The following MARCHF3 variants were observed in gnomAD, a reference collection of about 807,000 sequenced individuals.
The protein encoded by MARCHF3 is E3 ubiquitin-protein ligase MARCHF3.
A neutral mutation model predicts 24.2 loss-of-function variants in MARCHF3; 13 were observed. The observed-to-expected ratio is 0.54, with a 90% confidence interval of 0.35 to 0.85. The LOEUF (loss-of-function observed/expected upper bound fraction) is 0.85. Ranked by LOEUF, MARCHF3 falls within the 40% of genes least tolerant of loss-of-function variation. The probability of loss-of-function intolerance (pLI) is 0.01; values close to 1 mark genes in which losing one functional copy is unlikely to be tolerated. For missense variants in MARCHF3, 276 were observed against 325.0 expected (o/e 0.85, Z 1.16); for synonymous variants, 144 against 137.3 (o/e 1.05, Z -0.34).
intron 1 of MARCHF3, among the ~76,000 whole-genome samples, chr5:126,973,450 G>C (rs1751085475): frequency 6.6e-6 from 1 of 152,234 alleles, no homozygotes; most frequent in Non-Finnish European, 1.5e-5. Context: ...CAGAAGTATA[G>C]CTTCCACCTG....
At chr5:127,024,794 C>A (rs992228151) in intron 1 of MARCHF3, among the ~76,000 whole-genome samples, 1 of 152,048 alleles carries the variant, frequency 6.6e-6, no homozygotes, top group African/African-American at 2.4e-5. Context: ...ATAATTTTCC[C>A]AATTATGAGT....
At chr5:126,960,416 C>T (rs914457321) in intron 1 of MARCHF3, among the ~76,000 whole-genome samples, 2 of 152,038 alleles carry the variant, frequency 1.3e-5, no homozygotes, top group African/African-American at 2.4e-5. Flanking sequence ...TCAAAATTGT[C>T]GCAATTTGAA....
At chr5:126,917,646 C>T (rs1020232746) in intron 2 of MARCHF3, among the ~76,000 whole-genome samples, 4 of 152,162 alleles carry the variant, frequency 2.6e-5, no homozygotes, top group Admixed American at 2.6e-4. Context: ...CCTTCTTAAT[C>T]CTGTTCCAAT....
intron 4 of MARCHF3, among the ~76,000 whole-genome samples, chr5:126,875,375 C>T (rs957997502): frequency 1.3e-5 from 2 of 152,224 alleles, no homozygotes; most frequent in African/African-American, 2.4e-5. Context: ...AGGCGTGCAG[C>T]GTGAGCGCTT....
intron 1 of MARCHF3, among the ~76,000 whole-genome samples, chr5:126,929,138 T>C (rs546939002): frequency 7.2e-5 from 11 of 152,368 alleles, no homozygotes; most frequent in Admixed American, 3.3e-4. Context: ...AGCCATTGTC[T>C]GTTGAAGAAA....
intron 3 of MARCHF3, among the ~76,000 whole-genome samples, chr5:126,887,714 C>G (rs971189593): frequency 2.6e-5 from 4 of 152,174 alleles, no homozygotes; most frequent in Non-Finnish European, 4.4e-5. Flanking sequence ...TCAGAAATAC[C>G]AGACTAGCTC....
chr5:126,905,611 CTGTT>C (rs1389923710), intron 3 of MARCHF3, among the ~76,000 whole-genome samples: 25 of 151,912 alleles, frequency 1.6e-4, no homozygotes, highest in Non-Finnish European at 2.8e-4. Context: ...ATTTGGCTCT[CTGTT>C]TGTCTGTTGT....
chr5:126,944,267 C>G (rs1011701592), intron 1 of MARCHF3, among the ~76,000 whole-genome samples: 3 of 152,160 alleles, frequency 2.0e-5, no homozygotes, highest in African/African-American at 7.2e-5. Flanking sequence ...TTCTCTGAAC[C>G]ACTGCACTCC....
In MARCHF3 at chr5:126,869,172, C is replaced by T. The variant is rs1336329613; in HGVS notation, c.*1461G>A. On this transcript the variant is annotated 3_prime_UTR_variant, in exon 5 of 5. Coordinates refer to ENST00000308660, the MANE Select transcript of MARCHF3 (RefSeq NM_178450.5). ...CAAAAATCGCTACCCTCCTCGCTGC[C>T]TGTTCCTTTGCACTTCTCGTTTTCC... 6.6e-6 allele frequency: 1 copy of T among 152,234 alleles called. No homozygotes were observed. The highest frequency in any genetic ancestry group is 6.5e-5 in the Admixed American group (1 of 15,288). 9.4% of individuals were successfully genotyped at this position (152,234 alleles called of 1,614,324 possible).
intron 1 of MARCHF3, among the ~76,000 whole-genome samples, chr5:126,978,969 A>G (rs1270112218): frequency 6.6e-6 from 1 of 152,198 alleles, no homozygotes; most frequent in Non-Finnish European, 1.5e-5. Flanking sequence ...TTGGATTTAG[A>G]AGTCTGATGT....
chr5:126,945,689 T>C (rs10038419), intron 1 of MARCHF3, among the ~76,000 whole-genome samples: 7,643 of 152,016 alleles, frequency 0.05, 646 homozygotes, highest in African/African-American at 0.17. Flanking sequence ...ATGGTAAAGG[T>C]TGTAAGTATG....
intron 1 of MARCHF3, among the ~76,000 whole-genome samples, chr5:126,930,142 G>A (rs191073783): frequency 0.014 from 2,067 of 152,156 alleles, 55 homozygotes; most frequent in African/African-American, 0.048. Context: ...CTCTTCTTAA[G>A]TATACAGAAG....
At chr5:126,953,891 C>A (rs1370465953) in intron 1 of MARCHF3, among the ~76,000 whole-genome samples, 1 of 152,100 alleles carries the variant, frequency 6.6e-6, no homozygotes, top group Non-Finnish European at 1.5e-5. Flanking sequence ...TATATTCTAC[C>A]TTTTTATCTT....
intron 4 of MARCHF3, among the ~76,000 whole-genome samples, chr5:126,874,802 C>T (rs1753093287): frequency 6.6e-6 from 1 of 152,154 alleles, no homozygotes; most frequent in South Asian, 2.1e-4. Context: ...GGAAATACCG[C>T]TGAATACCCT....
chr5:126,874,728 C>T (rs575522621), intron 4 of MARCHF3, among the ~76,000 whole-genome samples: 54 of 152,246 alleles, frequency 3.5e-4, no homozygotes, highest in African/African-American at 1.3e-3. Flanking sequence ...AGCAATGTGC[C>T]CAGCTCACCT....
chr5:126,961,299 T>C lies in MARCHF3; in HGVS notation c.-56-43072A>G, dbSNP rs77000414. Among the ~76,000 whole-genome samples, 780 of 152,258 alleles carry C rather than the reference T, an allele frequency of 5.1e-3. 6 individuals carry two copies. Among genetic ancestry groups the C allele is most frequent in the Non-Finnish European group, 6.9e-3 (469 of 67,990 alleles). ...TTCTCTTTGTCAAAAATGAGGAACATTGATCTACATGAAGGATTTGCATAG... is the reference window on the plus strand; with the variant it reads ...TTCTCTTTGTCAAAAATGAGGAACACTGATCTACATGAAGGATTTGCATAG... On this transcript the variant is annotated intron_variant, in intron 1 of 4. Coordinates refer to ENST00000308660, the MANE Select transcript of MARCHF3 (RefSeq NM_178450.5).
intron 1 of MARCHF3, among the ~76,000 whole-genome samples, chr5:126,962,286 C>T (rs1401604090): frequency 6.6e-6 from 1 of 151,978 alleles, no homozygotes; most frequent in Non-Finnish European, 1.5e-5. Context: ...ATTCAATTAA[C>T]TGGCTGTGTC....
chr5:126,994,039 C>T (rs1751866164), intron 1 of MARCHF3, among the ~76,000 whole-genome samples: 1 of 152,136 alleles, frequency 6.6e-6, no homozygotes, highest in African/African-American at 2.4e-5. Flanking sequence ...GAAATGAAAA[C>T]ATATATACAT....
intron 3 of MARCHF3, among the ~76,000 whole-genome samples, chr5:126,905,299 C>T (rs1754248209): frequency 7.1e-6 from 1 of 141,348 alleles, no homozygotes; most frequent in African/African-American, 2.7e-5. Flanking sequence ...GTGATGTGGG[C>T]TCTTTTTTGG....
Sources: gnomAD v4.1 joint callset for allele counts (sites outside exome capture counted in the v4.1 genomes callset) on GRCh38, gnomAD v4.1.1 for gene constraint, MANE v1.5 for transcripts, NCBI Gene and HGNC (gene_info 2026-07-23, HGNC 2026-07-21) for gene names.